Variants in SV2C observed in about 807,000 individuals in gnomAD.
SV2C encodes synaptic vesicle glycoprotein 2C, also known as solute carrier family 22 member B3.
SV2C carries 49 observed loss-of-function variants against 79.7 expected under a neutral mutation model. The ratio of observed to expected loss-of-function variants is 0.61; its 90% confidence interval spans 0.49 to 0.78. The LOEUF is 0.78. Ranked by LOEUF, SV2C falls within the 30% of genes least tolerant of loss-of-function variation. The pLI is 0.00. For missense variants in SV2C, 833 were observed against 912.9 expected (o/e 0.91, Z 1.13); for synonymous variants, 334 against 333.2 (o/e 1.00, Z -0.03).
At chr5:76,292,691 A>G (rs772025101) in intron 8 of SV2C, among the ~76,000 whole-genome samples, 1 of 152,164 alleles carries the variant, frequency 6.6e-6, no homozygotes, top group African/African-American at 2.4e-5. Flanking sequence ...TTGTTCACTG[A>G]TGTATATTCC....
the SV2C span, among the ~76,000 whole-genome samples, chr5:75,953,368 A>T: frequency 6.6e-6 from 1 of 151,988 alleles, no homozygotes; most frequent in African/African-American, 2.4e-5. Context: ...TGAACATCCA[A>T]ACTACAGGAA....
chr5:76,335,999 C>G (rs975338617), downstream of SV2C, among the ~76,000 whole-genome samples: 3 of 150,746 alleles, frequency 2.0e-5, no homozygotes, highest in African/African-American at 7.3e-5. Flanking sequence ...TAGGGGCGGC[C>G]GGGCAGAGGC....
chr5:76,061,769 C>T, the SV2C span, among the ~76,000 whole-genome samples: 155 of 152,174 alleles, frequency 1.0e-3, 1 homozygote, highest in African/African-American at 3.2e-3. Flanking sequence ...GGTATAGGAA[C>T]GTGCCCCATA....
intron 4 of SV2C, among the ~76,000 whole-genome samples, chr5:76,252,887 A>C (rs1290537448): frequency 6.6e-6 from 1 of 152,236 alleles, no homozygotes; most frequent in Non-Finnish European, 1.5e-5. Flanking sequence ...CCATGGATAC[A>C]TGAGCCAATT....
At chr5:76,128,508 G>GGTA (rs1748782484) in intron 1 of SV2C, among the ~76,000 whole-genome samples, 1 of 152,164 alleles carries the variant, frequency 6.6e-6, no homozygotes, top group Non-Finnish European at 1.5e-5. Context: ...GAAGATAAGG[G>GGTA]GTAAGGCTTT....
the SV2C span, among the ~76,000 whole-genome samples, chr5:75,953,800 A>AT: frequency 6.6e-6 from 1 of 151,738 alleles, no homozygotes; most frequent in Non-Finnish European, 1.5e-5. Context: ...TTAAGCTTCA[A>AT]TTTTCCATGA....
At chr5:76,175,409 T>C (rs1428455582) in intron 2 of SV2C, among the ~76,000 whole-genome samples, 1 of 151,832 alleles carries the variant, frequency 6.6e-6, no homozygotes, top group Non-Finnish European at 1.5e-5. Flanking sequence ...TCCTTTAAAG[T>C]AGGGGGATAT....
chr5:76,177,800 CAG>C (rs35225120), intron 2 of SV2C, among the ~76,000 whole-genome samples: 14,981 of 151,988 alleles, frequency 0.099, 895 homozygotes, highest in Non-Finnish European at 0.13. Flanking sequence ...AGAGGTCACT[CAG>C]TGGTATTTTG....
At chr5:75,985,070 T>C in the SV2C span, among the ~76,000 whole-genome samples, 1 of 151,800 alleles carries the variant, frequency 6.6e-6, no homozygotes, top group Admixed American at 6.6e-5. Flanking sequence ...TGTTCAAGAG[T>C]ACACAGTTGC....
At chr5:76,184,115 A>G (rs559737513) in intron 2 of SV2C, among the ~76,000 whole-genome samples, 1 of 152,232 alleles carries the variant, frequency 6.6e-6, no homozygotes, top group Non-Finnish European at 1.5e-5. Context: ...TAAGCTTCAC[A>G]TTGCCTCTTG....
chr5:76,055,933 T>C, the SV2C span, among the ~76,000 whole-genome samples: 14 of 152,172 alleles, frequency 9.2e-5, no homozygotes, highest in African/African-American at 3.4e-4. Flanking sequence ...TAGAATCATG[T>C]CATCTGCAAA....
In SV2C at chr5:76,209,818, C is replaced by G; in HGVS notation, c.844C>G (p.Leu282Val). Reference sequence around the variant, plus strand: ...AAAGCGGGGCGAACACTTGAGCTGGCTCTGCATGTTCTGGATGATCGGTGG... The same window carrying G: ...AAAGCGGGGCGAACACTTGAGCTGGGTCTGCATGTTCTGGATGATCGGTGG... ...REKRGEHLSW[L>V]CMFWMIGGIY... The change falls in exon 4 of 13, where the codon CTC (leucine) becomes GTC (valine). Residue 282 changes from leucine (L) to valine (V), a missense_variant. Physicochemically the swap from Leu to Val is conservative, Grantham distance 32. Coordinates refer to ENST00000502798, the MANE Select transcript of SV2C (RefSeq NM_014979.4). 2 of 1,614,226 alleles carry G rather than the reference C, an allele frequency of 1.2e-6. No individual in the cohort carries two copies. The highest frequency in any genetic ancestry group is 1.7e-6 in the Non-Finnish European group (2 of 1,180,044).
chr5:75,964,319 A>G, the SV2C span, among the ~76,000 whole-genome samples: 1 of 151,892 alleles, frequency 6.6e-6, no homozygotes. Context: ...GTTTGTCACA[A>G]CAAGAGGCTT....
chr5:76,280,750 G>A (rs1747160375), intron 4 of SV2C, among the ~76,000 whole-genome samples: 1 of 152,200 alleles, frequency 6.6e-6, no homozygotes, highest in African/African-American at 2.4e-5. Flanking sequence ...CGGGTGTGGG[G>A]GTGTGGGGTC....
chr5:76,132,129 AG>A lies in SV2C; in HGVS notation c.381del (p.Arg128GlufsTer7). The A allele has an allele frequency of 6.2e-7, 1 of 1,614,126 alleles. No homozygotes were observed. The highest frequency in any genetic ancestry group is 2.2e-5 in the East Asian group (1 of 44,876). On this transcript the variant is annotated frameshift_variant, in exon 2 of 13. Coordinates refer to ENST00000502798, the MANE Select transcript of SV2C (RefSeq NM_014979.4). LOFTEE classifies it high-confidence loss of function. The part of the protein sequence containing the change: ...YKDRRELESE[R>X]RADEEELAQQ... ...GGACCGGCGGGAGCTGGAATCAGAA[AG>A]GAGAGCTGACGAGGAAGAGTTAGCC...
At chr5:75,872,676 ATC>A in the SV2C span, among the ~76,000 whole-genome samples, 2 of 147,928 alleles carry the variant, frequency 1.4e-5, no homozygotes, top group African/African-American at 5.3e-5. Flanking sequence ...AAGAAAAATG[ATC>A]ATATTAGGGT....
chr5:75,933,686 A>G, the SV2C span, among the ~76,000 whole-genome samples: 10 of 152,230 alleles, frequency 6.6e-5, no homozygotes, highest in Admixed American at 3.9e-4. Flanking sequence ...AGCAGGAACC[A>G]TCTTGGCTCC....
the SV2C span, among the ~76,000 whole-genome samples, chr5:75,954,638 G>A: frequency 1.3e-5 from 2 of 149,998 alleles, no homozygotes; most frequent in Non-Finnish European, 2.9e-5. Flanking sequence ...TGTATATCTA[G>A]AAAACCCCAT....
At chr5:76,143,161 TGG>T (rs1561234683) in intron 2 of SV2C, among the ~76,000 whole-genome samples, 1 of 152,128 alleles carries the variant, frequency 6.6e-6, no homozygotes, top group East Asian at 1.9e-4. Context: ...CCCAAAGTGC[TGG>T]GATTACAGGT....
Sources: allele counts gnomAD v4.1 joint callset (sites outside exome capture counted in the v4.1 genomes callset), GRCh38; gene constraint gnomAD v4.1.1; transcripts MANE v1.5; gene names NCBI Gene and HGNC (gene_info 2026-07-23, HGNC 2026-07-21).